Variants in CD33 observed in about 807,000 individuals in gnomAD.
The protein encoded by CD33 is myeloid cell surface antigen CD33.
In CD33, 25 loss-of-function variants were observed where a neutral mutation model predicts 31.4. That is an observed-to-expected ratio of 0.80 (90% confidence interval 0.58 to 1.11). CD33 has a LOEUF of 1.11. Ranked by LOEUF, CD33 falls within the 50% of genes most tolerant of loss-of-function variation. CD33 has a pLI of 0.00. For missense variants in CD33, 407 were observed against 448.1 expected (o/e 0.91, Z 0.83); for synonymous variants, 176 against 180.6 (o/e 0.97, Z 0.20).
intron 4 of CD33, among the ~76,000 whole-genome samples, chr19:51,228,032 G>A (rs184980633): frequency 3.9e-5 from 6 of 152,260 alleles, no homozygotes; most frequent in South Asian, 2.1e-4. Context: ...GCTGTAGATC[G>A]TGGATTAATT....
At chr19:51,235,704 G>T in intron 6 of CD33, 28 bp downstream of exon 6, 1 of 1,586,926 alleles carries the variant, frequency 6.3e-7, no homozygotes, top group Non-Finnish European at 8.6e-7. Context: ...CTGGCATCCA[G>T]TCTGTCCTGC....
chr19:51,224,327 T>G (rs1008653749), upstream of CD33, among the ~76,000 whole-genome samples: 8 of 152,254 alleles, frequency 5.3e-5, 1 homozygote, highest in Middle Eastern at 6.8e-3. Flanking sequence ...AGGAATTTGC[T>G]TATTAAGGCC....
the CD33 span, among the ~76,000 whole-genome samples, chr19:51,218,628 A>G: frequency 1.3e-5 from 2 of 152,164 alleles, no homozygotes; most frequent in East Asian, 3.8e-4. Flanking sequence ...AGATTTTCCT[A>G]GGTTTTCTTC....
the CD33 span, among the ~76,000 whole-genome samples, chr19:51,215,579 C>T: frequency 6.6e-6 from 1 of 152,184 alleles, no homozygotes; most frequent in African/African-American, 2.4e-5. Context: ...GGACGTCTCA[C>T]CCTCCAATAT....
chr19:51,226,864 A>G (rs558530277), intron 4 of CD33, among the ~76,000 whole-genome samples: 3 of 151,608 alleles, frequency 2.0e-5, no homozygotes, highest in East Asian at 3.9e-4. Flanking sequence ...CTCTCTCCTT[A>G]TCATTGTTCC....
chr19:51,217,166 G>A, the CD33 span, among the ~76,000 whole-genome samples: 1 of 152,170 alleles, frequency 6.6e-6, no homozygotes, highest in African/African-American at 2.4e-5. Context: ...GGCACCTACA[G>A]ACAGACTGGG....
At chr19:51,212,053 T>G in the CD33 span, 1 of 814,954 alleles carries the variant, frequency 1.2e-6, no homozygotes, top group South Asian at 1.3e-5. Context: ...GAGAGAACCA[T>G]CCAACTCAGT....
chr19:51,213,087 A>G, the CD33 span, among the ~76,000 whole-genome samples: 1 of 152,188 alleles, frequency 6.6e-6, no homozygotes, highest in South Asian at 2.1e-4. Flanking sequence ...AATCTTGTGA[A>G]ATATGGCAAA....
chr19:51,235,374 T>A lies in CD33; in HGVS notation c.842+121T>A, dbSNP rs866358671. ...GCAGGGGGTGTGATGATGTACAGAA[T>A]CCAGCCTGTGGCCACTGGGATAGGC... is the stretch of plus-strand genomic sequence containing the variant. On this transcript the variant is annotated intron_variant, in intron 5 of 6. Transcript: ENST00000262262. 453 of 1,231,810 alleles carry A rather than the reference T, an allele frequency of 3.7e-4. 5 individuals are homozygous for A. In the South Asian group the frequency reaches 3.8e-3, roughly 10 times the overall value. 76.3% of individuals were successfully genotyped at this position (1,231,810 alleles called of 1,614,324 possible).
chr19:51,226,581 G>T (rs1471035077), intron 4 of CD33, among the ~76,000 whole-genome samples: 1 of 152,064 alleles, frequency 6.6e-6, no homozygotes, highest in Non-Finnish European at 1.5e-5. Context: ...ATGTCTTGGG[G>T]TATTTTATTT....
rs1437983506 is a variant in CD33 at position 51,226,091 on chromosome 19, G to A, written c.697+10G>A. On this transcript the variant is annotated intron_variant, in intron 3 of 6. Transcript: ENST00000262262. The stretch of plus-strand genomic sequence containing the variant: ...CAGCTCAACGTCACCTGTAAGTGCT[G>A]GGCCAGGATGCTGGGGTCCCTGAGG... 6.2e-6 allele frequency: 10 copies of A among 1,612,626 alleles called. No homozygotes were observed. The highest frequency in any genetic ancestry group is 2.5e-6 in the Non-Finnish European group (3 of 1,178,974).
rs116111674 is a variant in CD33, at chr19:51,235,859, T to C, written c.924+183T>C. 1,184 of 716,532 alleles carry C rather than the reference T, an allele frequency of 1.7e-3. 11 individuals carry two copies. In the African/African-American group the frequency reaches 0.018, roughly 11 times the overall value. 44.4% of individuals were successfully genotyped at this position (716,532 alleles called of 1,614,324 possible). A position where few individuals can be genotyped will look rare whatever the true frequency, so the allele number is the denominator to read the frequency against. ...CCAACAGATCAGGAGATGATGGCCATTGAAAAGATAGTTTCTTGGCCGGGC... is the reference window on the plus strand; with the variant it reads ...CCAACAGATCAGGAGATGATGGCCACTGAAAAGATAGTTTCTTGGCCGGGC... On this transcript the variant is annotated intron_variant, in intron 6 of 6. Coordinates refer to ENST00000262262, the MANE Select transcript of CD33 (RefSeq NM_001772.4).
chr19:51,238,197 A>C (rs1261668125), intron 6 of CD33: 1 of 152,238 alleles, frequency 6.6e-6, no homozygotes, highest in Non-Finnish European at 1.5e-5. Flanking sequence ...TCAAATTGCC[A>C]ATGATTAAAA....
chr19:51,223,417 G>A (rs372973835), upstream of CD33, among the ~76,000 whole-genome samples: 2 of 152,120 alleles, frequency 1.3e-5, no homozygotes, highest in African/African-American at 4.8e-5. Context: ...CAAAGGTATG[G>A]TGGCAAGTAC....
chr19:51,224,295 A>C (rs1282169290), upstream of CD33, among the ~76,000 whole-genome samples: 1 of 152,058 alleles, frequency 6.6e-6, no homozygotes, highest in Non-Finnish European at 1.5e-5. Context: ...TAGCTTCCCT[A>C]TCTTAGTGCA....
At chr19:51,223,984 G>A (rs1980813730), upstream of CD33, among the ~76,000 whole-genome samples, 1 of 152,088 alleles carries the variant, frequency 6.6e-6, no homozygotes, top group African/African-American at 2.4e-5. Context: ...CTCTTCTCAA[G>A]CCCCACCTAT....
intron 6 of CD33, chr19:51,237,717 T>C (rs1981895873): frequency 6.6e-6 from 1 of 152,216 alleles, no homozygotes; most frequent in African/African-American, 2.4e-5. Flanking sequence ...GCTGCAAATA[T>C]TGCAGGATCC....
intron 4 of CD33, among the ~76,000 whole-genome samples, chr19:51,230,240 T>A (rs76553355): frequency 7.6e-6 from 1 of 132,352 alleles, no homozygotes; most frequent in Non-Finnish European, 1.7e-5. Context: ...ACTTGATACA[T>A]TTTGGTTTTT....
At chr19:51,222,235 G>C (rs1360564584), upstream of CD33, among the ~76,000 whole-genome samples, 1 of 152,192 alleles carries the variant, frequency 6.6e-6, no homozygotes, top group Non-Finnish European at 1.5e-5. Context: ...ATATAAAGCA[G>C]GACAGTATCA....
Sources: allele counts gnomAD v4.1 joint callset (sites outside exome capture counted in the v4.1 genomes callset), GRCh38; gene constraint gnomAD v4.1.1; transcripts MANE v1.5; gene names NCBI Gene and HGNC (gene_info 2026-07-23, HGNC 2026-07-21).